IDUA: variants seen among roughly 807,000 people sequenced by gnomAD.
The protein encoded by IDUA is iduronidase alpha-L-.
IDUA carries 65 observed loss-of-function variants against 68.9 expected under a neutral mutation model. The ratio of observed to expected loss-of-function variants is 0.94; its 90% CI spans 0.77 to 1.16. IDUA has a LOEUF of 1.16. Ranked by LOEUF, IDUA falls within the 50% of genes most tolerant of loss-of-function variation. The pLI, the probability that IDUA is intolerant of heterozygous loss-of-function variation, is 0.00. For synonymous variants in IDUA, 529 were observed against 433.6 expected (o/e 1.22, Z -2.73); for missense variants, 1,046 against 938.0 (o/e 1.12, Z -1.50).
At chr4:1,002,536 G>A in intron 8 of IDUA, 51 bp downstream of exon 8, 2 of 1,407,646 alleles carry the variant, frequency 1.4e-6, no homozygotes, top group Non-Finnish European at 1.8e-6. Flanking sequence ...AGGCTGGGGA[G>A]CGGCTCCTGC....
rs1222053536 is a variant in IDUA at position 1,001,455 on chromosome 4, G to A, written c.494-13G>A. The stretch of plus-strand genomic sequence containing the variant: ...TTCACCTGTGCTGGGGGGACAGCAA[G>A]GCTCCTCTGCAGGTAGGTACGGACT... On this transcript the variant is annotated splice_polypyrimidine_tract_variant and intron_variant, in intron 4 of 13. Coordinates refer to ENST00000514224, the MANE Select transcript of IDUA (RefSeq NM_000203.5). 1 of 1,611,234 alleles carries A rather than the reference G, an allele frequency of 6.2e-7. No individual in the cohort carries two copies. Among genetic ancestry groups the A allele is most frequent in the South Asian group, 1.1e-5 (1 of 91,040 alleles).
At chr4:1,003,224 C>A (rs1179490535) in intron 10 of IDUA, 67 bp downstream of exon 10, 1 of 392,330 alleles carries the variant, frequency 2.5e-6, no homozygotes, top group African/African-American at 3.5e-5. Flanking sequence ...GGGTCCGGGG[C>A]GGGGGCTCCG....
chr4:990,628 C>T lies in IDUA; in HGVS notation c.299+2679C>T. 5.9e-6 allele frequency: 3 copies of T among 512,230 alleles called. No homozygotes were observed. In the South Asian group the frequency reaches 8.6e-5, roughly 15 times the overall value. 31.7% of individuals were successfully genotyped at this position (512,230 alleles called of 1,614,324 possible). On this transcript the variant is annotated intron_variant, in intron 2 of 13. Coordinates refer to ENST00000514224, the MANE Select transcript of IDUA (RefSeq NM_000203.5). ...AGACACGTCTAACCCTTGTCACGTG[C>T]AGCAGCCCGTTTTATTTCAGAATTA...
intron 2 of IDUA, chr4:992,373 C>A: frequency 8.3e-6 from 3 of 363,026 alleles, no homozygotes; most frequent in Admixed American, 6.5e-5. Context: ...GCGGAAGTCT[C>A]AGGAAGAGGC....
Position 1,004,160 on chromosome 4 carries a change from C to T in IDUA, c.1828+48C>T. The T allele has an allele frequency of 6.2e-7, 1 of 1,611,272 alleles. No individual in the cohort carries two copies. The highest frequency in any genetic ancestry group is 1.3e-5 in the African/African-American group (1 of 74,964). On this transcript the variant is annotated intron_variant, in intron 13 of 13. Coordinates refer to ENST00000514224, the MANE Select transcript of IDUA (RefSeq NM_000203.5). The surrounding 1 kb of genome is among the most constrained non-coding windows in gnomAD (Gnocchi z 5.0). ...TGGACTCGGCCACCCCATTCTTGGGCCTCAGGGCAGTACTGGGTGGGGGCC... is the reference window on the plus strand; with the variant it reads ...TGGACTCGGCCACCCCATTCTTGGGTCTCAGGGCAGTACTGGGTGGGGGCC...
rs1316670340 is a variant in IDUA at position 987,815 on chromosome 4, G to A, written c.165G>A (p.Pro55=). 20 of 1,612,266 alleles carry A rather than the reference G, an allele frequency of 1.2e-5. No individual in the cohort carries two copies. The highest frequency in any genetic ancestry group is 1.7e-5 in the Non-Finnish European group (20 of 1,179,826). Residue 55 remains proline (P), a synonymous_variant, in exon 2 of 14, where the codon CCG becomes CCA. Coordinates refer to ENST00000514224, the MANE Select transcript of IDUA (RefSeq NM_000203.5). ...GCCCCTTTGTTGTCCCCAGCCCCCC[G>A]CTGCCACACAGCCAGGCTGACCAGT... is the stretch of plus-strand genomic sequence containing the variant. ...RFWRSTGFCP[P]LPHSQADQYV... is the part of the protein sequence containing the mutation.
At position 1,004,346 on chromosome 4, in the gene IDUA, C is replaced by T. The variant is rs191468075; in HGVS notation, c.1915C>T (p.Leu639=). The change falls in exon 14 of 14, where the codon CTG becomes TTG. Residue 639 remains leucine, a synonymous_variant. Transcript: ENST00000514224. The surrounding 1 kb of genome is among the most constrained non-coding windows in gnomAD (Gnocchi z 5.0). ...PGPFSDPVPY[L]EVPVPRGPPS... ...CCCCTTCTCGGACCCTGTGCCGTACCTGGAGGTCCCTGTGCCAAGAGGGCC... is the reference window on the plus strand; with the variant it reads ...CCCCTTCTCGGACCCTGTGCCGTACTTGGAGGTCCCTGTGCCAAGAGGGCC... The T allele has an allele frequency of 6.2e-7, 1 of 1,611,814 alleles. No individual in the cohort carries two copies. Among genetic ancestry groups the T allele is most frequent in the African/African-American group, 1.3e-5 (1 of 75,008 alleles).
At position 989,213 on chromosome 4, in the gene IDUA, C is replaced by T. The variant is rs769404125; in HGVS notation, c.299+1264C>T. 92 of 1,610,012 alleles carry T rather than the reference C, an allele frequency of 5.7e-5. No individual in the cohort carries two copies. Among genetic ancestry groups the T allele is most frequent in the Non-Finnish European group, 6.7e-5 (79 of 1,178,166 alleles). On this transcript the variant is annotated intron_variant, in intron 2 of 13. Coordinates refer to ENST00000514224, the MANE Select transcript of IDUA (RefSeq NM_000203.5). ...TCACCGACCCCCGTCTCTGAGCCCC[C>T]CTCCTTCCTCCTGGCAGCCATGCAC...
At chr4:987,713 C>T in intron 1 of IDUA, 96 bp from the exon 2 acceptor site, 3 of 1,573,180 alleles carry the variant, frequency 1.9e-6, no homozygotes, top group Non-Finnish European at 2.6e-6. Flanking sequence ...GCGCCTGGAT[C>T]CTGCGCCCGG....
At chr4:988,985 G>T in intron 2 of IDUA, 1 of 1,593,998 alleles carries the variant, frequency 6.3e-7, no homozygotes, top group Non-Finnish European at 8.5e-7. Context: ...TCTCTCACAG[G>T]CGGGCTGCAG....
At chr4:1,001,633 C>CG in intron 5 of IDUA, 46 bp from the exon 6 acceptor site, 1 of 1,607,164 alleles carries the variant, frequency 6.2e-7, no homozygotes, top group Non-Finnish European at 8.5e-7. Flanking sequence ...GAGGCTAAGC[C>CG]GCTCATCCCC....
At chr4:991,657 G>T (rs199532422) in intron 2 of IDUA, 1 of 1,546,982 alleles carries the variant, frequency 6.5e-7, no homozygotes, top group African/African-American at 1.4e-5. Flanking sequence ...CCGTCGGACC[G>T]GCACCGGCCC....
At chr4:991,742 A>G in intron 2 of IDUA, 1 of 1,528,228 alleles carries the variant, frequency 6.5e-7, no homozygotes, top group African/African-American at 1.4e-5. Context: ...TGCGGCCGAG[A>G]AGAGGGCATG....
intron 2 of IDUA, among the ~76,000 whole-genome samples, chr4:998,800 C>T (rs1217566432): frequency 2.0e-5 from 3 of 151,660 alleles, no homozygotes; most frequent in African/African-American, 7.3e-5. Flanking sequence ...ACCTCACCCC[C>T]CAGCTCACCT....
At chr4:990,092 G>T (rs768886169) in intron 2 of IDUA, 1 of 1,596,890 alleles carries the variant, frequency 6.3e-7, no homozygotes, top group Non-Finnish European at 8.5e-7. Flanking sequence ...TGTCGGTAGC[G>T]GTCTGAGAGC....
chr4:999,205 A>T (rs903843376), intron 2 of IDUA, among the ~76,000 whole-genome samples: 1 of 66,316 alleles, frequency 1.5e-5, no homozygotes, highest in Admixed American at 1.2e-4. Context: ...ACTCTGTCTC[A>T]AAAAAAAAAA....
Position 1,004,513 on chromosome 4 carries a change from T to C in IDUA, c.*120T>C. The C allele has an allele frequency of 2.9e-6, 3 of 1,045,118 alleles. No homozygotes were observed. In the South Asian group the frequency reaches 4.8e-5, roughly 17 times the overall value. 64.7% of individuals were successfully genotyped at this position (1,045,118 alleles called of 1,614,324 possible). On this transcript the variant is annotated 3_prime_UTR_variant, in exon 14 of 14. Coordinates refer to ENST00000514224, the MANE Select transcript of IDUA (RefSeq NM_000203.5). The surrounding 1 kb of genome is among the most constrained non-coding windows in gnomAD (Gnocchi z 5.0). ...AATATATTTTTATATTTTATTATTT[T>C]CTTTTATATCTTGGTACCAACGCCC...
chr4:996,998 C>T (rs146281633), intron 2 of IDUA, among the ~76,000 whole-genome samples: 3,418 of 152,308 alleles, frequency 0.022, 46 homozygotes, highest in Middle Eastern at 0.061. Flanking sequence ...AACCCCTGGC[C>T]AGTCTTGTGT....
intron 2 of IDUA, among the ~76,000 whole-genome samples, chr4:998,703 C>T (rs538978621): frequency 4.6e-5 from 7 of 152,260 alleles, no homozygotes; most frequent in South Asian, 4.1e-4. Flanking sequence ...TGGCCAAAAC[C>T]GAGACCAGTC....
Sources: allele counts gnomAD v4.1 joint callset (sites outside exome capture counted in the v4.1 genomes callset), GRCh38; gene constraint gnomAD v4.1.1; non-coding constraint Gnocchi (gnomAD v3.1); transcripts MANE v1.5; gene names NCBI Gene and HGNC (gene_info 2026-07-23, HGNC 2026-07-21).